Variants in HTR6 observed in about 807,000 individuals in gnomAD.
The protein encoded by HTR6 is 5-hydroxytryptamine receptor 6.
Under a neutral mutation model 17.4 loss-of-function variants are expected in HTR6, and 15 were observed. That is an observed-to-expected ratio of 0.86 (90% confidence interval 0.58 to 1.33). The LOEUF (loss-of-function observed/expected upper bound fraction) is 1.33. Among genes scored for constraint, HTR6 ranks in the 40% most tolerant of loss-of-function variants. The probability of loss-of-function intolerance (pLI) is 0.00; values close to 1 mark genes in which losing one functional copy is unlikely to be tolerated. For synonymous variants in HTR6, 326 were observed against 295.5 expected, an observed-to-expected ratio of 1.10 and a Z score of -1.06; for missense variants, 578 against 616.0, an observed-to-expected ratio of 0.94 and a Z score of 0.65.
At position 19,678,679 on chromosome 1, in the gene HTR6, T is replaced by A. The variant is rs2095097324; in HGVS notation, c.827T>A (p.Met276Lys). The change falls in exon 2 of 3, where the codon ATG becomes AAG. Residue 276 changes from methionine (M) to lysine (K), a missense_variant. Transcript: ENST00000289753. ...ASLTLGILLG[M>K]FFVTWLPFFV... ...CTGACGCTGGGCATCCTGCTGGGCATGTTCTTTGTGACCTGGTTGCCCTTC... is the reference window on the plus strand; with the variant it reads ...CTGACGCTGGGCATCCTGCTGGGCAAGTTCTTTGTGACCTGGTTGCCCTTC... 2.5e-6 allele frequency: 4 copies of A among 1,613,464 alleles called. No homozygotes were observed. The highest frequency in any genetic ancestry group is 3.4e-6 in the Non-Finnish European group (4 of 1,179,592).
At chr1:19,669,674 G>A (rs1042931672) in intron 1 of HTR6, among the ~76,000 whole-genome samples, 1 of 152,186 alleles carries the variant, frequency 6.6e-6, no homozygotes, top group South Asian at 2.1e-4. Context: ...AGTCCTCGGA[G>A]CATCTCGTCC....
Position 19,666,614 on chromosome 1 carries a change from G to A in HTR6, c.714+147G>A. ...GCGCCCACCTTTCTTCTGAACTCCA[G>A]AGCCAATGCCTGACCCACCCACCAC... On this transcript the variant is annotated intron_variant, in intron 1 of 2. Transcript: ENST00000289753. The surrounding 1 kb of genome is among the most constrained non-coding windows in gnomAD (Gnocchi z 4.5). The A allele has an allele frequency of 1.6e-6, 1 of 636,700 alleles. No homozygotes were observed. The allele number at this position is 636,700 out of a possible 1,614,324, so 39.4% of individuals were successfully genotyped here. A position where few individuals can be genotyped will look rare whatever the true frequency, so the allele number is the denominator to read the frequency against.
At chr1:19,673,006 G>A (rs894611277) in intron 1 of HTR6, among the ~76,000 whole-genome samples, 26 of 152,152 alleles carry the variant, frequency 1.7e-4, no homozygotes, top group Admixed American at 1.4e-3. Flanking sequence ...ATAGTTGTTC[G>A]TGCCTCTCTT....
At position 19,665,637 on chromosome 1, in the gene HTR6, G is replaced by T; in HGVS notation, c.-117G>T. On this transcript the variant is annotated 5_prime_UTR_variant, in exon 1 of 3. Coordinates refer to ENST00000289753, the MANE Select transcript of HTR6 (RefSeq NM_000871.3). This position sits in a 1 kb window ranked among gnomAD's most constrained non-coding sequence, Gnocchi z 4.2. ...TCCCCCCACTCACCTCCCCCGGGGG[G>T]CGTGGTGAGTCGCGGTCTGTTCTCA... 1.5e-6 allele frequency: 1 copy of T among 683,778 alleles called. No individual in the cohort carries two copies. Among genetic ancestry groups the T allele is most frequent in the South Asian group, 2.5e-5 (1 of 39,964 alleles). The allele number at this position is 683,778 out of a possible 1,614,324, so 42.4% of individuals were successfully genotyped here. A position where few individuals can be genotyped will look rare whatever the true frequency, so the allele number is the denominator to read the frequency against.
intron 1 of HTR6, among the ~76,000 whole-genome samples, chr1:19,673,554 T>A (rs1019659141): frequency 6.6e-6 from 1 of 152,080 alleles, no homozygotes; most frequent in Non-Finnish European, 1.5e-5. Flanking sequence ...CAAAATTAGA[T>A]GGGCATGGTG....
Position 19,666,102 on chromosome 1 carries a change from C to G in HTR6, c.349C>G (p.Leu117Val), listed in dbSNP as rs1221338653. 6.2e-7 allele frequency: 1 copy of G among 1,612,740 alleles called. No homozygotes were observed. Among genetic ancestry groups the G allele is most frequent in the South Asian group, 1.1e-5 (1 of 91,082 alleles). Residue 117 changes from leucine to valine, a missense_variant, in exon 1 of 3, where the codon CTC becomes GTC. Leu to Val is a conservative substitution (Grantham distance 32, BLOSUM62 1). Transcript: ENST00000289753. The surrounding 1 kb of genome is among the most constrained non-coding windows in gnomAD (Gnocchi z 4.5). ...VMCCSASILN[L>V]CLISLDRYLL... Reference sequence around the variant, plus strand: ...GTGCTGCAGCGCCTCCATCCTCAACCTCTGCCTCATCAGCCTGGACCGCTA... The same window carrying G: ...GTGCTGCAGCGCCTCCATCCTCAACGTCTGCCTCATCAGCCTGGACCGCTA...
At chr1:19,670,370 C>G (rs184436922) in intron 1 of HTR6, among the ~76,000 whole-genome samples, 2 of 152,072 alleles carry the variant, frequency 1.3e-5, no homozygotes, top group African/African-American at 2.4e-5. Context: ...CCTCCTACCC[C>G]CTGACGTGTT....
chr1:19,672,300 A>G (rs1208165412), intron 1 of HTR6, among the ~76,000 whole-genome samples: 1 of 150,238 alleles, frequency 6.7e-6, no homozygotes, highest in Admixed American at 6.6e-5. Context: ...TGTCCCATCA[A>G]TTTCTCCCGC....
rs1318556784 is a variant in HTR6 at position 19,679,948 on chromosome 1, G to T, written c.*580G>T. ...TGCCTTAGATCATCTTTAACCCTCA[G>T]AATGATTTGCTGGATGGTTTTTGGA... On this transcript the variant is annotated 3_prime_UTR_variant, in exon 3 of 3. Transcript: ENST00000289753. The surrounding 1 kb of genome is among the most constrained non-coding windows in gnomAD (Gnocchi z 4.9). 2.0e-5 allele frequency among the ~76,000 whole-genome samples: 3 copies of T among 152,180 alleles called. No individual in the cohort carries two copies. The highest frequency in any genetic ancestry group is 4.4e-5 in the Non-Finnish European group (3 of 68,028).
Position 19,666,607 on chromosome 1 carries a change from A to AT in HTR6, c.714+140_714+141insT. On this transcript the variant is annotated intron_variant, in intron 1 of 2. Coordinates refer to ENST00000289753, the MANE Select transcript of HTR6 (RefSeq NM_000871.3). The surrounding 1 kb of genome is among the most constrained non-coding windows in gnomAD (Gnocchi z 4.5). Reference sequence around the variant, plus strand: ...GTTGTGAGCGCCCACCTTTCTTCTGAACTCCAGAGCCAATGCCTGACCCAC... The same window carrying AT: ...GTTGTGAGCGCCCACCTTTCTTCTGATACTCCAGAGCCAATGCCTGACCCAC... 1 of 650,928 alleles carries AT rather than the reference A, an allele frequency of 1.5e-6. No homozygotes were observed. Among genetic ancestry groups the AT allele is most frequent in the Non-Finnish European group, 2.6e-6 (1 of 384,642 alleles). 40.3% of individuals were successfully genotyped at this position (650,928 alleles called of 1,614,324 possible).
At position 19,666,535 on chromosome 1, in the gene HTR6, C is replaced by G; in HGVS notation, c.714+68C>G. 8.5e-7 allele frequency: 1 copy of G among 1,171,870 alleles called. No individual in the cohort carries two copies. The highest frequency in any genetic ancestry group is 1.2e-6 in the Non-Finnish European group (1 of 841,214). 72.6% of individuals were successfully genotyped at this position (1,171,870 alleles called of 1,614,324 possible). ...GGAATGAGCAGCCCCTGGGGACCCC[C>G]TGGGCATCCCCACTTAGCACACATT... On this transcript the variant is annotated intron_variant, in intron 1 of 2. Coordinates refer to ENST00000289753, the MANE Select transcript of HTR6 (RefSeq NM_000871.3). The surrounding 1 kb of genome is among the most constrained non-coding windows in gnomAD (Gnocchi z 4.5).
chr1:19,679,161 G>A lies in HTR6; in HGVS notation c.1116G>A (p.Leu372=). 1 of 1,597,808 alleles carries A rather than the reference G, an allele frequency of 6.3e-7. No homozygotes were observed. Among genetic ancestry groups the A allele is most frequent in the Non-Finnish European group, 8.5e-7 (1 of 1,174,344 alleles). The change falls in exon 3 of 3, where the codon CTG becomes CTA. Residue 372 remains leucine (L), a synonymous_variant. Transcript: ENST00000289753. This position sits in a 1 kb window ranked among gnomAD's most constrained non-coding sequence, Gnocchi z 4.9. ...PGLSLQQVLP[L]PLPPDSDSDS... Reference sequence around the variant, plus strand: ...TTAGCCTACAGCAGGTGCTGCCGCTGCCCCTGCCGCCGGACTCAGATTCGG... The same window carrying A: ...TTAGCCTACAGCAGGTGCTGCCGCTACCCCTGCCGCCGGACTCAGATTCGG...
intron 1 of HTR6, among the ~76,000 whole-genome samples, chr1:19,675,606 C>T (rs933108522): frequency 6.6e-6 from 1 of 152,070 alleles, no homozygotes; most frequent in African/African-American, 2.4e-5. Flanking sequence ...CAATGATTGA[C>T]CTGAGATATT....
intron 1 of HTR6, among the ~76,000 whole-genome samples, chr1:19,673,860 CTT>C (rs549470101): frequency 0.074 from 9,428 of 128,258 alleles, 965 homozygotes; most frequent in African/African-American, 0.25. Context: ...CCTTCTAGGT[CTT>C]TTTTTTTTTT....
At position 19,666,830 on chromosome 1, in the gene HTR6, C is replaced by T. The variant is rs561574228; in HGVS notation, c.714+363C>T. ...CCCTCACCCTCATGCCATTCATTAGCGAGACCTGTTGGCGCTGCTCTAAAC... is the reference window on the plus strand; with the variant it reads ...CCCTCACCCTCATGCCATTCATTAGTGAGACCTGTTGGCGCTGCTCTAAAC... On this transcript the variant is annotated intron_variant, in intron 1 of 2. Transcript: ENST00000289753. This position sits in a 1 kb window ranked among gnomAD's most constrained non-coding sequence, Gnocchi z 4.5. Among the ~76,000 whole-genome samples, 2 of 152,080 alleles carry T rather than the reference C, an allele frequency of 1.3e-5. No homozygotes were observed. The highest frequency in any genetic ancestry group is 2.1e-4 in the South Asian group (1 of 4,802).
rs756004302 is a variant in HTR6, at chr1:19,666,356, G to A, written c.603G>A (p.Ser201=). ...VASGLTFFLP[S]GAICFTYCRI... ...CGGGCCTCACCTTCTTCCTGCCCTC[G>A]GGTGCCATATGCTTCACCTACTGCA... Residue 201 remains serine (S), a synonymous_variant, in exon 1 of 3, where the codon TCG becomes TCA. Transcript: ENST00000289753. The surrounding 1 kb of genome is among the most constrained non-coding windows in gnomAD (Gnocchi z 4.5). The A allele has an allele frequency of 3.1e-6, 5 of 1,613,792 alleles. No homozygotes were observed. The South Asian group carries it at 5.5e-5, about 18-fold the overall frequency.
At chr1:19,678,119 G>A (rs141495142) in intron 1 of HTR6, among the ~76,000 whole-genome samples, 17 of 152,284 alleles carry the variant, frequency 1.1e-4, no homozygotes, top group African/African-American at 2.2e-4. Context: ...CCTGTGTCAC[G>A]TATTGTCTTT....
intron 1 of HTR6, among the ~76,000 whole-genome samples, chr1:19,678,119 G>T (rs141495142): frequency 2.6e-5 from 4 of 152,166 alleles, no homozygotes; most frequent in African/African-American, 9.7e-5. Context: ...CCTGTGTCAC[G>T]TATTGTCTTT....
chr1:19,671,379 G>C (rs1053621294), intron 1 of HTR6, among the ~76,000 whole-genome samples: 2 of 152,168 alleles, frequency 1.3e-5, no homozygotes, highest in Non-Finnish European at 2.9e-5. Context: ...TGAACGTGAC[G>C]TGTGCAAATT....
Sources: gnomAD v4.1 joint callset for allele counts (sites outside exome capture counted in the v4.1 genomes callset) on GRCh38, gnomAD v4.1.1 for gene constraint, Gnocchi (gnomAD v3.1) non-coding constraint, MANE v1.5 for transcripts, NCBI Gene and HGNC (gene_info 2026-07-23, HGNC 2026-07-21) for gene names.